Variants in KCNH4 observed in about 807,000 individuals in gnomAD.
KCNH4 encodes the protein potassium voltage-gated channel subfamily H member 4.
A neutral mutation model predicts 90.7 loss-of-function variants in KCNH4; 33 were observed. The observed-to-expected ratio is 0.36, with a 90% CI of 0.28 to 0.49. KCNH4 has a LOEUF of 0.49. Ranked by LOEUF, KCNH4 falls within the 20% of genes least tolerant of loss-of-function variation. KCNH4 has a pLI of 0.98. For synonymous variants in KCNH4, 551 were observed against 581.7 expected, an observed-to-expected ratio of 0.95 and a Z score of 0.76; for missense variants, 1,044 against 1,387.1, an observed-to-expected ratio of 0.75 and a Z score of 3.93.
chr17:42,180,800 G>A lies in KCNH4; in HGVS notation c.76+70C>T. On this transcript the variant is annotated intron_variant, in intron 1 of 16. Coordinates refer to ENST00000264661, the MANE Select transcript of KCNH4 (RefSeq NM_012285.3). The surrounding 1 kb of genome is among the most constrained non-coding windows in gnomAD (Gnocchi z 4.7). ...GCCTCGGGTCTCACCATGTCCAGGA[G>A]ATCCGAGACGGCCCCGAGGATACTT... 3 of 1,477,476 alleles carry A rather than the reference G, an allele frequency of 2.0e-6. No individual in the cohort carries two copies. The highest frequency in any genetic ancestry group is 2.8e-6 in the Non-Finnish European group (3 of 1,057,968). 91.5% of individuals were successfully genotyped at this position (1,477,476 alleles called of 1,614,324 possible).
chr17:42,170,684 T>C (rs775026358), intron 7 of KCNH4, among the ~76,000 whole-genome samples: 1 of 152,164 alleles, frequency 6.6e-6, no homozygotes. Context: ...GAAAGTATTG[T>C]ATAGGGTGTG....
intron 4 of KCNH4, 134 bp from the exon 5 acceptor site, chr17:42,176,431 A>C: frequency 1.4e-6 from 1 of 716,616 alleles, no homozygotes; most frequent in Non-Finnish European, 2.2e-6. Flanking sequence ...ATGAAAGGAG[A>C]TAGAAGGCCA....
chr17:42,164,828 G>A (rs529116856), intron 11 of KCNH4, among the ~76,000 whole-genome samples: 33 of 148,358 alleles, frequency 2.2e-4, no homozygotes, highest in African/African-American at 6.5e-4. Context: ...AAACAAGACC[G>A]GGCATTGTGG....
intron 14 of KCNH4, among the ~76,000 whole-genome samples, chr17:42,162,573 T>C (rs1377335541): frequency 6.6e-6 from 1 of 151,934 alleles, no homozygotes; most frequent in Admixed American, 6.6e-5. Flanking sequence ...TCCCTCTGGT[T>C]TTCATGCCTT....
rs983693621 is a variant in KCNH4, at chr17:42,180,230, G to A, written c.76+640C>T. Among the ~76,000 whole-genome samples the A allele has an allele frequency of 2.0e-5, 3 of 152,192 alleles. No homozygotes were observed. Among genetic ancestry groups the A allele is most frequent in the Non-Finnish European group, 4.4e-5 (3 of 68,024 alleles). Reference sequence around the variant, plus strand: ...GGGAGGTGAGGGCGGGGAATCTCTGGGTTCCAGAGTGGGAAGAGGGAATGG... The same window carrying A: ...GGGAGGTGAGGGCGGGGAATCTCTGAGTTCCAGAGTGGGAAGAGGGAATGG... On this transcript the variant is annotated intron_variant, in intron 1 of 16. Coordinates refer to ENST00000264661, the MANE Select transcript of KCNH4 (RefSeq NM_012285.3). This position sits in a 1 kb window ranked among gnomAD's most constrained non-coding sequence, Gnocchi z 4.7.
chr17:42,180,805 G>C lies in KCNH4; in HGVS notation c.76+65C>G. 1.3e-6 allele frequency: 2 copies of C among 1,513,104 alleles called. No homozygotes were observed. Among genetic ancestry groups the C allele is most frequent in the East Asian group, 2.3e-5 (1 of 44,058 alleles). The allele number at this position is 1,513,104 out of a possible 1,614,324, so 93.7% of individuals were successfully genotyped here. Reference sequence around the variant, plus strand: ...GGGTCTCACCATGTCCAGGAGATCCGAGACGGCCCCGAGGATACTTGCCCC... The same window carrying C: ...GGGTCTCACCATGTCCAGGAGATCCCAGACGGCCCCGAGGATACTTGCCCC... On this transcript the variant is annotated intron_variant, in intron 1 of 16. Transcript: ENST00000264661. The surrounding 1 kb of genome is among the most constrained non-coding windows in gnomAD (Gnocchi z 4.7).
Position 42,181,039 on chromosome 17 carries a change from A to C in KCNH4, c.-94T>G. ...GCTGTCGGAGGGGCCGGGGCGCCCC[A>C]TGCGCCCTCCTGCCTCCTCCCCTCC... is the stretch of plus-strand genomic sequence containing the variant. On this transcript the variant is annotated 5_prime_UTR_variant, in exon 1 of 17. It removes an upstream start codon present in the reference 5' UTR. Coordinates refer to ENST00000264661, the MANE Select transcript of KCNH4 (RefSeq NM_012285.3). 3 of 1,099,494 alleles carry C rather than the reference A, an allele frequency of 2.7e-6. No homozygotes were observed. Among genetic ancestry groups the C allele is most frequent in the Non-Finnish European group, 3.9e-6 (3 of 764,126 alleles). 68.1% of individuals were successfully genotyped at this position (1,099,494 alleles called of 1,614,324 possible).
intron 9 of KCNH4, 129 bp downstream of exon 9, chr17:42,169,348 G>C: frequency 1.2e-6 from 1 of 844,236 alleles, no homozygotes; most frequent in Non-Finnish European, 1.9e-6. Context: ...CCAAAGTGCT[G>C]GGATTACAGG....
chr17:42,177,643 G>A (rs1012520279), intron 4 of KCNH4, among the ~76,000 whole-genome samples: 4 of 152,172 alleles, frequency 2.6e-5, no homozygotes, highest in Non-Finnish European at 4.4e-5. Context: ...GCAGAGGCTG[G>A]CATAGCCCAC....
chr17:42,178,755 G>A (rs757468701), intron 2 of KCNH4, 38 bp downstream of exon 2: 1 of 1,555,556 alleles, frequency 6.4e-7, no homozygotes, highest in Non-Finnish European at 8.8e-7. Flanking sequence ...AAGGCTAGGG[G>A]TCTAGGCAGA....
intron 9 of KCNH4, among the ~76,000 whole-genome samples, chr17:42,168,717 C>A (rs1434838128): frequency 1.3e-5 from 2 of 151,992 alleles, no homozygotes; most frequent in Admixed American, 6.6e-5. Flanking sequence ...CAATACCTCA[C>A]CCCCCGGGCC....
At position 42,159,738 on chromosome 17, in the gene KCNH4, C is replaced by T. The variant is rs2079732112; in HGVS notation, c.*302G>A. The T allele has an allele frequency of 3.8e-6, 1 of 261,374 alleles. No homozygotes were observed. The highest frequency in any genetic ancestry group is 7.2e-6 in the Non-Finnish European group (1 of 138,964). 16.2% of individuals were successfully genotyped at this position (261,374 alleles called of 1,614,324 possible). On this transcript the variant is annotated 3_prime_UTR_variant, in exon 16 of 17. Coordinates refer to ENST00000264661, the MANE Select transcript of KCNH4 (RefSeq NM_012285.3). ...CTGCTCCCCCATCTCTACCTGCCTC[C>T]AGGTCCTGGGGAGAAAGTAGGATCT...
chr17:42,176,018 C>A (rs1261245722), intron 5 of KCNH4, 36 bp downstream of exon 5: 18 of 1,563,242 alleles, frequency 1.2e-5, no homozygotes, highest in Non-Finnish European at 1.6e-5. Flanking sequence ...ATCCCCCCAG[C>A]CGACCCACCA....
intron 9 of KCNH4, among the ~76,000 whole-genome samples, chr17:42,168,206 G>T (rs1456155753): frequency 6.6e-6 from 1 of 152,152 alleles, no homozygotes. Flanking sequence ...GTCTCCCTGA[G>T]GGCCAGGGCT....
In KCNH4 at chr17:42,163,683, CCTGGGGGGGCCGTGAGGGGAGGCA is replaced by C. The variant is rs1459949950; in HGVS notation, c.2376_2399del (p.Ser792_Pro799del). On this transcript the variant is annotated inframe_deletion, in exon 13 of 17. Coordinates refer to ENST00000264661, the MANE Select transcript of KCNH4 (RefSeq NM_012285.3). This position sits in a 1 kb window ranked among gnomAD's most constrained non-coding sequence, Gnocchi z 5.4. ...GAGGGGGCTTCCAGGCAGCAGAGCACCTGGGGGGGCCGTGAGGGGAGGCACTGTGGCCCTGGCCAGCCAGGGCAG... is the reference window on the plus strand; with the variant it reads ...GAGGGGGCTTCCAGGCAGCAGAGCACCTGTGGCCCTGGCCAGCCAGGGCAG... The C allele has an allele frequency of 1.3e-6, 2 of 1,509,784 alleles. No individual in the cohort carries two copies. Among genetic ancestry groups the C allele is most frequent in the Non-Finnish European group, 1.8e-6 (2 of 1,130,494 alleles). 93.5% of individuals were successfully genotyped at this position (1,509,784 alleles called of 1,614,324 possible). A position where few individuals can be genotyped will look rare whatever the true frequency, so the allele number is the denominator to read the frequency against.
chr17:42,171,956 G>T lies in KCNH4; in HGVS notation c.1027C>A (p.Arg343=). Residue 343 remains arginine (R), a synonymous_variant, in exon 7 of 17, where the codon CGG becomes AGG. Transcript: ENST00000264661. ...AGCTTCTGCAGCAGCCGCAGCAGCC[G>T]CAACAGCCGCACTGTCTTCAGTAGG... The part of the protein sequence containing the change: ...VHLLKTVRLL[R]LLRLLQKLER... The T allele has an allele frequency of 6.2e-7, 1 of 1,609,628 alleles. No homozygotes were observed. The highest frequency in any genetic ancestry group is 8.5e-7 in the Non-Finnish European group (1 of 1,178,604).
intron 15 of KCNH4, among the ~76,000 whole-genome samples, chr17:42,161,300 C>T (rs1397216129): frequency 1.3e-5 from 2 of 152,204 alleles, no homozygotes; most frequent in African/African-American, 2.4e-5. Context: ...AGGCCTTGAG[C>T]GGACTTGCCC....
chr17:42,162,570 G>T (rs2079756466), intron 14 of KCNH4, among the ~76,000 whole-genome samples: 1 of 151,802 alleles, frequency 6.6e-6, no homozygotes, highest in African/African-American at 2.4e-5. Flanking sequence ...GCATCCCTCT[G>T]GTTTTCATGC....
chr17:42,160,399 G>A lies in KCNH4; in HGVS notation c.2695C>T (p.Arg899Trp), dbSNP rs753279380. The A allele has an allele frequency of 2.9e-5, 47 of 1,610,124 alleles. 1 individual carries two copies. The Admixed American group carries it at 5.7e-4, about 20-fold the overall frequency. The change falls in exon 16 of 17, where the codon CGG becomes TGG. Residue 899 changes from arginine to tryptophan, a missense_variant. Transcript: ENST00000264661. ...RLNQEVSQLSRELRHIMGLLQ... is the reference protein window; with the variant it reads ...RLNQEVSQLSWELRHIMGLLQ... ...AGGCCCATGATGTGCCGCAGCTCCC[G>A]GCTAAGCTGAGACACCTCCTGATTG...
Sources: allele counts gnomAD v4.1 joint callset (sites outside exome capture counted in the v4.1 genomes callset), GRCh38; gene constraint gnomAD v4.1.1; non-coding constraint Gnocchi (gnomAD v3.1); transcripts MANE v1.5; gene names NCBI Gene and HGNC (gene_info 2026-07-23, HGNC 2026-07-21).